The following SMPX variants were observed in gnomAD, a reference collection of about 807,000 sequenced individuals.
The protein encoded by SMPX is small muscle protein X-linked.
Under a neutral mutation model 6.3 loss-of-function variants are expected in SMPX, and 2 were observed. The observed-to-expected ratio is 0.32, with a 90% CI of 0.13 to 0.99. The LOEUF is 0.99. Ranked by LOEUF, SMPX falls within the 50% of genes least tolerant of loss-of-function variation. SMPX has a pLI of 0.49. For missense variants in SMPX, 60 were observed against 66.8 expected (o/e 0.90, Z 0.36); for synonymous variants, 32 against 24.7 (o/e 1.30, Z -0.88).
chrX:21,739,214 A>G (rs548168445), intron 3 of SMPX, among the ~76,000 whole-genome samples: 2 of 111,729 alleles, frequency 1.8e-5, no homozygotes, highest in Admixed American at 9.5e-5. Flanking sequence ...ATTGGTTAGA[A>G]CCTAAAGGAA....
intron 3 of SMPX, among the ~76,000 whole-genome samples, chrX:21,743,088 T>G (rs780207502): frequency 8.9e-6 from 1 of 112,088 alleles, no homozygotes; most frequent in Non-Finnish European, 1.9e-5. Context: ...GCCTCCAATT[T>G]AGCAGATCGG....
At chrX:21,754,348 C>G (rs1184262082) in intron 1 of SMPX, 46 bp from the exon 2 acceptor site, 1 of 973,173 alleles carries the variant, frequency 1.0e-6, no homozygotes, top group Non-Finnish European at 1.5e-6. Context: ...GCATTCAGAT[C>G]CTCAGTCTTG....
chrX:21,715,969 T>A, intron 4 of SMPX, among the ~76,000 whole-genome samples: 1 of 111,919 alleles, frequency 8.9e-6, no homozygotes, highest in Non-Finnish European at 1.9e-5. Context: ...AAGAAAATGA[T>A]CTCAAACCTG....
intron 1 of SMPX, among the ~76,000 whole-genome samples, chrX:21,757,453 C>A (rs1030410226): frequency 9.0e-6 from 1 of 111,574 alleles, no homozygotes; most frequent in Non-Finnish European, 1.9e-5. Flanking sequence ...ATTGATAGAA[C>A]GTTATCATTG....
chrX:21,743,390 G>T (rs1640262670), intron 3 of SMPX, among the ~76,000 whole-genome samples: 1 of 109,892 alleles, frequency 9.1e-6, no homozygotes, highest in South Asian at 3.9e-4. Flanking sequence ...CTTCTCAGAG[G>T]CTTTATCCTC....
At position 21,723,518 on chromosome X, in the gene SMPX, T is replaced by C. The variant is rs1229343988; in HGVS notation, c.*14+14031A>G. On this transcript the variant is annotated intron_variant, in intron 4 of 4. Transcript: ENST00000379494. ...GTGGACCTGAAATGATCTCTGTAGG[T>C]TGGAAGTGCCAGCCAAAATTGTTTT... Among the ~76,000 whole-genome samples, 4 of 112,030 alleles carry C rather than the reference T, an allele frequency of 3.6e-5. No individual in the cohort carries two copies. The East Asian group carries it at 1.1e-3, about 32-fold the overall frequency.
intron 4 of SMPX, among the ~76,000 whole-genome samples, chrX:21,727,037 A>G (rs2092797731): frequency 8.9e-6 from 1 of 112,219 alleles, no homozygotes; most frequent in Non-Finnish European, 1.9e-5. Context: ...TCCTTACCCA[A>G]CTAGACTGTG....
At chrX:21,721,345 C>T (rs925330398) in intron 4 of SMPX, among the ~76,000 whole-genome samples, 3 of 112,007 alleles carry the variant, frequency 2.7e-5, no homozygotes, top group Non-Finnish European at 5.6e-5. Flanking sequence ...TTCCCATGTC[C>T]TATCCCAAAT....
intron 3 of SMPX, among the ~76,000 whole-genome samples, chrX:21,739,977 C>A (rs1349787481): frequency 8.9e-6 from 1 of 111,992 alleles, no homozygotes; most frequent in African/African-American, 3.2e-5. Context: ...TTAATAGGCA[C>A]CTTCCTCTCT....
At chrX:21,746,841 T>G (rs1010894464) in intron 2 of SMPX, among the ~76,000 whole-genome samples, 1 of 111,099 alleles carries the variant, frequency 9.0e-6, no homozygotes, top group African/African-American at 3.3e-5. Context: ...GACAGTAATC[T>G]TTGAGTGACA....
At chrX:21,718,466 A>G (rs904730608) in intron 4 of SMPX, among the ~76,000 whole-genome samples, 1 of 111,904 alleles carries the variant, frequency 8.9e-6, no homozygotes, top group Non-Finnish European at 1.9e-5. Flanking sequence ...GAAAATTCCC[A>G]CAGGTTACAC....
At chrX:21,710,202 ACC>A (rs1444876316) in intron 4 of SMPX, among the ~76,000 whole-genome samples, 1 of 112,032 alleles carries the variant, frequency 8.9e-6, no homozygotes, top group Non-Finnish European at 1.9e-5. Flanking sequence ...TGGTATATAT[ACC>A]CCATGAAATA....
chrX:21,737,790 CAAT>C (rs1292992833), intron 3 of SMPX, 93 bp from the exon 4 acceptor site: 35 of 851,490 alleles, frequency 4.1e-5, no homozygotes, highest in Non-Finnish European at 6.0e-5. Flanking sequence ...ATTAAAGTAA[CAAT>C]GATGTCAAAG....
Position 21,737,754 on chromosome X carries a change from G to A in SMPX, c.133-57C>T. On this transcript the variant is annotated intron_variant, in intron 3 of 4. Coordinates refer to ENST00000379494, the MANE Select transcript of SMPX (RefSeq NM_014332.3). The stretch of plus-strand genomic sequence containing the variant: ...CAAAAATCACATTTGATCTCTTTGG[G>A]CCATAAGCATGAACCAGAAAAAAAA... 9 of 1,135,444 alleles carry A rather than the reference G, an allele frequency of 7.9e-6. No individual in the cohort carries two copies. The South Asian group carries it at 1.5e-4, about 18-fold the overall frequency. The allele number at this position is 1,135,444 out of a possible 1,213,427, so 93.6% of individuals were successfully genotyped here.
intron 4 of SMPX, among the ~76,000 whole-genome samples, chrX:21,719,350 C>G (rs887707136): frequency 9.0e-6 from 1 of 110,570 alleles, no homozygotes; most frequent in Admixed American, 9.7e-5. Flanking sequence ...GAAACCCCAT[C>G]TCTACTAAAA....
chrX:21,725,823 T>C (rs970051000), intron 4 of SMPX, among the ~76,000 whole-genome samples: 6 of 112,268 alleles, frequency 5.3e-5, no homozygotes, highest in African/African-American at 1.9e-4. Context: ...AGATAATTAA[T>C]GGATTTTAAT....
chrX:21,726,512 G>A (rs960884212), intron 4 of SMPX, among the ~76,000 whole-genome samples: 1 of 112,026 alleles, frequency 8.9e-6, no homozygotes, highest in Non-Finnish European at 1.9e-5. Flanking sequence ...TCATTCTAAT[G>A]GTAACATTTT....
At chrX:21,754,970 T>C (rs1308222995) in intron 1 of SMPX, among the ~76,000 whole-genome samples, 3 of 112,558 alleles carry the variant, frequency 2.7e-5, no homozygotes, top group Non-Finnish European at 5.6e-5. Flanking sequence ...CTCGCCTGTA[T>C]ACTTTTCTTT....
At chrX:21,739,418 C>T (rs1022378334) in intron 3 of SMPX, among the ~76,000 whole-genome samples, 4 of 111,960 alleles carry the variant, frequency 3.6e-5, no homozygotes, top group African/African-American at 1.3e-4. Context: ...AAATAGCTAA[C>T]GTTTCACCCA....
Sources: gnomAD v4.1 joint callset for allele counts (sites outside exome capture counted in the v4.1 genomes callset) on GRCh38, gnomAD v4.1.1 for gene constraint, MANE v1.5 for transcripts, NCBI Gene and HGNC (gene_info 2026-07-23, HGNC 2026-07-21) for gene names.